The following MGAT2 variants were observed in gnomAD, a reference collection of about 807,000 sequenced individuals.
MGAT2 encodes the protein alpha-1,6-mannosyl-glycoprotein 2-beta-N-acetylglucosaminyltransferase, also known as Beta-1,2-N-acetylglucosaminyltransferase II.
MGAT2 carries 17 observed loss-of-function variants against 33.8 expected under a neutral mutation model. The ratio of observed to expected loss-of-function variants is 0.50; its 90% confidence interval spans 0.34 to 0.76. The LOEUF (loss-of-function observed/expected upper bound fraction) is 0.76, where lower values mean the gene tolerates loss of function less well. Ranked by LOEUF, MGAT2 falls within the 30% of genes least tolerant of loss-of-function variation. The probability of loss-of-function intolerance (pLI) is 0.01; values close to 1 mark genes in which losing one functional copy is unlikely to be tolerated. For synonymous variants in MGAT2, 248 were observed against 226.7 expected (o/e 1.09, Z -0.84); for missense variants, 529 against 553.9 (o/e 0.96, Z 0.45).
At position 49,620,995 on chromosome 14, in the gene MGAT2, G is replaced by A. The variant is rs1437733087; in HGVS notation, c.-274G>A. On this transcript the variant is annotated 5_prime_UTR_variant, in exon 1 of 1. Coordinates refer to ENST00000305386, the MANE Select transcript of MGAT2 (RefSeq NM_002408.4). ...ACCCGTGGTGCTGAATGGAGAGGAC[G>A]GAGACGAAGCCGAGCCGCGGCTCCT... The A allele has an allele frequency of 1.4e-6, 1 of 702,990 alleles. No homozygotes were observed. The highest frequency in any genetic ancestry group is 1.7e-5 in the African/African-American group (1 of 57,284). The allele number at this position is 702,990 out of a possible 1,614,324, so 43.5% of individuals were successfully genotyped here. A position where few individuals can be genotyped will look rare whatever the true frequency, so the allele number is the denominator to read the frequency against.
Position 49,622,841 on chromosome 14 carries a change from A to C in MGAT2, c.*229A>C. On this transcript the variant is annotated 3_prime_UTR_variant, in exon 1 of 1. Coordinates refer to ENST00000305386, the MANE Select transcript of MGAT2 (RefSeq NM_002408.4). ...TTAAAGCTCAATCTGTTATCTGCTA[A>C]AATTGATTATTGTTGATATGAGAGA... 2.7e-6 allele frequency: 1 copy of C among 374,300 alleles called. No individual in the cohort carries two copies. Among genetic ancestry groups the C allele is most frequent in the East Asian group, 4.4e-5 (1 of 22,916 alleles). The allele number at this position is 374,300 out of a possible 1,614,324, so 23.2% of individuals were successfully genotyped here.
rs1338279859 is a variant in MGAT2, at chr14:49,622,227, G to A, written c.959G>A (p.Gly320Asp). Residue 320 changes from glycine to aspartate, a missense_variant, in exon 1 of 1, where the codon GGT becomes GAT. Gly to Asp is a moderately conservative substitution (Grantham distance 94). This residue lies in a region of MGAT2 where 501 missense variants were observed against 501.1 expected (regional missense o/e 1.00). Coordinates refer to ENST00000305386, the MANE Select transcript of MGAT2 (RefSeq NM_002408.4). ...TGGAAATCCACAGAGCACAATATGG[G>A]TCTAGCCTTGACCCGGAATGCCTAT... ...KTWKSTEHNM[G>D]LALTRNAYQK... The A allele has an allele frequency of 1.2e-6, 2 of 1,614,064 alleles. No individual in the cohort carries two copies. Among genetic ancestry groups the A allele is most frequent in the African/African-American group, 1.3e-5 (1 of 74,920 alleles).
rs892362897 is a variant in MGAT2 at position 49,620,828 on chromosome 14, C to T, written c.-441C>T. ...TTGCGGGTTGTCATAACGGTCCCCG[C>T]CGGAGTGAGGCGAGGCCGCGTCGCT... On this transcript the variant is annotated 5_prime_UTR_variant, in exon 1 of 1. Coordinates refer to ENST00000305386, the MANE Select transcript of MGAT2 (RefSeq NM_002408.4). 7.4e-5 allele frequency: 46 copies of T among 621,998 alleles called. No homozygotes were observed. The highest frequency in any genetic ancestry group is 1.2e-4 in the Non-Finnish European group (43 of 348,100). 38.5% of individuals were successfully genotyped at this position (621,998 alleles called of 1,614,324 possible).
chr14:49,621,236 G>A lies in MGAT2; in HGVS notation c.-33G>A, dbSNP rs749618885. On this transcript the variant is annotated 5_prime_UTR_variant, in exon 1 of 1. Transcript: ENST00000305386. The surrounding 1 kb of genome is among the most constrained non-coding windows in gnomAD (Gnocchi z 4.6). ...TGCAGAAGCAGCTGCTCCTTTCCGC[G>A]CCCGCCCGCCTGCGCTCCCGGCCCT... is the stretch of plus-strand genomic sequence containing the variant. 5.0e-6 allele frequency: 8 copies of A among 1,609,946 alleles called. No individual in the cohort carries two copies. The South Asian group carries it at 5.5e-5, about 11-fold the overall frequency.
chr14:49,621,781 G>T lies in MGAT2; in HGVS notation c.513G>T (p.Pro171=). The change falls in exon 1 of 1, where the codon CCG becomes CCT. Residue 171 remains proline (P), a synonymous_variant. Coordinates refer to ENST00000305386, the MANE Select transcript of MGAT2 (RefSeq NM_002408.4). This position sits in a 1 kb window ranked among gnomAD's most constrained non-coding sequence, Gnocchi z 4.6. ...TGATCGCCGGGGTGAATTTCTGTCC[G>T]GTTCTGCAGGTGTTCTTTCCTTTCA... ...NQLIAGVNFC[P]VLQVFFPFSI... The T allele has an allele frequency of 7.4e-6, 12 of 1,614,094 alleles. No homozygotes were observed. The highest frequency in any genetic ancestry group is 1.0e-5 in the Non-Finnish European group (12 of 1,180,028).
rs1052711475 is a variant in MGAT2, at chr14:49,621,032, C to T, written c.-237C>T. 19 of 714,798 alleles carry T rather than the reference C, an allele frequency of 2.7e-5. No homozygotes were observed. The highest frequency in any genetic ancestry group is 1.6e-4 in the South Asian group (11 of 67,804). The allele number at this position is 714,798 out of a possible 1,614,324, so 44.3% of individuals were successfully genotyped here. Reference sequence around the variant, plus strand: ...GAGCCGCGGCTCCTAGCGGCGGCGCCGATGCTCGAGCTGTAGCTGCCAGGC... The same window carrying T: ...GAGCCGCGGCTCCTAGCGGCGGCGCTGATGCTCGAGCTGTAGCTGCCAGGC... On this transcript the variant is annotated 5_prime_UTR_variant, in exon 1 of 1. Coordinates refer to ENST00000305386, the MANE Select transcript of MGAT2 (RefSeq NM_002408.4). This position sits in a 1 kb window ranked among gnomAD's most constrained non-coding sequence, Gnocchi z 4.6.
At position 49,621,390 on chromosome 14, in the gene MGAT2, T is replaced by C. The variant is rs1882843623; in HGVS notation, c.122T>C (p.Leu41Ser). The change falls in exon 1 of 1, where the codon TTG becomes TCG. Residue 41 changes from leucine (L) to serine (S), a missense_variant. Leu to Ser is a moderately radical substitution (Grantham distance 145). Around this residue, in one of 2 missense-constraint regions of MGAT2, gnomAD observed 501 missense variants for 501.1 expected, o/e 1.00. Coordinates refer to ENST00000305386, the MANE Select transcript of MGAT2 (RefSeq NM_002408.4). The surrounding 1 kb of genome is among the most constrained non-coding windows in gnomAD (Gnocchi z 4.6). ...QRKNEALAPP[L>S]LDAEPARGAG... is the part of the protein sequence containing the mutation. ...AAGAACGAGGCCCTCGCCCCACCGT[T>C]GCTGGACGCCGAACCCGCGCGGGGT... 6.2e-7 allele frequency: 1 copy of C among 1,610,190 alleles called. No individual in the cohort carries two copies. Among genetic ancestry groups the C allele is most frequent in the Admixed American group, 1.7e-5 (1 of 59,858 alleles).
In MGAT2 at chr14:49,622,134, T is replaced by A. The variant is rs1173622190; in HGVS notation, c.866T>A (p.Leu289His). 6.2e-7 allele frequency: 1 copy of A among 1,614,170 alleles called. No individual in the cohort carries two copies. The highest frequency in any genetic ancestry group is 8.5e-7 in the Non-Finnish European group (1 of 1,180,044). ...CAAGAGTGCCCTGAATGTGATGTTCTCTCCCTGGGGACCTATAGTGCCAGT... is the reference window on the plus strand; with the variant it reads ...CAAGAGTGCCCTGAATGTGATGTTCACTCCCTGGGGACCTATAGTGCCAGT... ...KQQECPECDVLSLGTYSASRS... is the reference protein window; with the variant it reads ...KQQECPECDVHSLGTYSASRS... Residue 289 changes from leucine to histidine, a missense_variant, in exon 1 of 1, where the codon CTC becomes CAC. Physicochemically the swap from Leu to His is moderately conservative, Grantham distance 99 (BLOSUM62 -3). Transcript: ENST00000305386.
At position 49,622,626 on chromosome 14, in the gene MGAT2, A is replaced by T. The variant is rs751023111; in HGVS notation, c.*14A>T. 2 of 1,595,188 alleles carry T rather than the reference A, an allele frequency of 1.3e-6. No homozygotes were observed. Among genetic ancestry groups the T allele is most frequent in the Non-Finnish European group, 1.7e-6 (2 of 1,174,498 alleles). Reference sequence around the variant, plus strand: ...AGACTGCAGTGAAAATCACAGTTACAAAAGCGACAGTCTTCTATTTTTGAT... The same window carrying T: ...AGACTGCAGTGAAAATCACAGTTACTAAAGCGACAGTCTTCTATTTTTGAT... On this transcript the variant is annotated 3_prime_UTR_variant, in exon 1 of 1. Transcript: ENST00000305386.
In MGAT2 at chr14:49,622,714, C is replaced by T; in HGVS notation, c.*102C>T. On this transcript the variant is annotated 3_prime_UTR_variant, in exon 1 of 1. Transcript: ENST00000305386. Reference sequence around the variant, plus strand: ...TTAGGAACTGGTTTCTGCTTTAATACAAAAACAAAATCTTGTAAAAGGTGT... The same window carrying T: ...TTAGGAACTGGTTTCTGCTTTAATATAAAAACAAAATCTTGTAAAAGGTGT... 1 of 1,226,806 alleles carries T rather than the reference C, an allele frequency of 8.2e-7. No homozygotes were observed. The highest frequency in any genetic ancestry group is 1.1e-6 in the Non-Finnish European group (1 of 901,280). The allele number at this position is 1,226,806 out of a possible 1,614,324, so 76.0% of individuals were successfully genotyped here.
rs1443820225 is a variant in MGAT2 at position 49,621,487 on chromosome 14, T to C, written c.219T>C (p.Ala73=). 6.2e-7 allele frequency: 1 copy of C among 1,609,162 alleles called. No homozygotes were observed. Among genetic ancestry groups the C allele is most frequent in the South Asian group, 1.1e-5 (1 of 91,014 alleles). The change falls in exon 1 of 1, where the codon GCT becomes GCC. Residue 73 remains alanine, a synonymous_variant. Coordinates refer to ENST00000305386, the MANE Select transcript of MGAT2 (RefSeq NM_002408.4). The surrounding 1 kb of genome is among the most constrained non-coding windows in gnomAD (Gnocchi z 4.6). ...GIRRVSNVSA[A]SLVPAVPQPE... is the part of the protein sequence containing the mutation. ...GCAGGGTCTCCAACGTGTCGGCGGCTTCCCTGGTCCCGGCGGTCCCCCAGC... is the reference window on the plus strand; with the variant it reads ...GCAGGGTCTCCAACGTGTCGGCGGCCTCCCTGGTCCCGGCGGTCCCCCAGC...
Position 49,622,151 on chromosome 14 carries a change from A to G in MGAT2, c.883A>G (p.Ser295Gly). The G allele has an allele frequency of 6.2e-7, 1 of 1,614,224 alleles. No homozygotes were observed. The highest frequency in any genetic ancestry group is 8.5e-7 in the Non-Finnish European group (1 of 1,180,034). Residue 295 changes from serine to glycine, a missense_variant, in exon 1 of 1, where the codon AGT becomes GGT. Physicochemically the swap from Ser to Gly is moderately conservative, Grantham distance 56. This residue lies in a region of MGAT2 where 501 missense variants were observed against 501.1 expected (regional missense o/e 1.00). Coordinates refer to ENST00000305386, the MANE Select transcript of MGAT2 (RefSeq NM_002408.4). ...ECDVLSLGTY[S>G]ASRSFYGMAD... ...TGATGTTCTCTCCCTGGGGACCTAT[A>G]GTGCCAGTCGCAGTTTCTATGGCAT... is the stretch of plus-strand genomic sequence containing the variant.
Position 49,621,761 on chromosome 14 carries a change from G to C in MGAT2, c.493G>C (p.Ala165Pro). The stretch of plus-strand genomic sequence containing the variant: ...GTCGACCGAGATCAATCAGCTGATC[G>C]CCGGGGTGAATTTCTGTCCGGTTCT... ...FWSTEINQLI[A>P]GVNFCPVLQV... Residue 165 changes from alanine to proline, a missense_variant, in exon 1 of 1, where the codon GCC becomes CCC. Ala to Pro is a conservative substitution (Grantham distance 27). Transcript: ENST00000305386. The surrounding 1 kb of genome is among the most constrained non-coding windows in gnomAD (Gnocchi z 4.6). The C allele has an allele frequency of 6.2e-7, 1 of 1,614,090 alleles. No homozygotes were observed. The highest frequency in any genetic ancestry group is 8.5e-7 in the Non-Finnish European group (1 of 1,180,026).
Position 49,621,100 on chromosome 14 carries a change from C to A in MGAT2, c.-169C>A. ...AGGCGGCGCGGGGTAAATGAGAGGT[C>A]TCGGGCCCCAGGACCCCCGGGGCCC... On this transcript the variant is annotated 5_prime_UTR_variant, in exon 1 of 1. Transcript: ENST00000305386. This position sits in a 1 kb window ranked among gnomAD's most constrained non-coding sequence, Gnocchi z 4.6. 1.4e-5 allele frequency: 14 copies of A among 978,190 alleles called. No homozygotes were observed. In the South Asian group the frequency reaches 1.6e-4, roughly 12 times the overall value. The allele number at this position is 978,190 out of a possible 1,614,324, so 60.6% of individuals were successfully genotyped here.
chr14:49,621,437 C>G lies in MGAT2; in HGVS notation c.169C>G (p.His57Asp). 6.2e-7 allele frequency: 1 copy of G among 1,608,054 alleles called. No homozygotes were observed. Among genetic ancestry groups the G allele is most frequent in the South Asian group, 1.1e-5 (1 of 90,896 alleles). Reference protein sequence around the residue: ...ARGAGGRGGDHPSVAVGIRRV... With the variant: ...ARGAGGRGGDDPSVAVGIRRV... ...GGGTGCCGGCGGCCGCGGTGGGGACCACCCCTCTGTGGCTGTGGGCATCCG... is the reference window on the plus strand; with the variant it reads ...GGGTGCCGGCGGCCGCGGTGGGGACGACCCCTCTGTGGCTGTGGGCATCCG... The change falls in exon 1 of 1, where the codon CAC (histidine) becomes GAC (aspartate). Residue 57 changes from histidine to aspartate, a missense_variant. By Grantham distance (81) the His-to-Asp change is moderately conservative. Transcript: ENST00000305386. This position sits in a 1 kb window ranked among gnomAD's most constrained non-coding sequence, Gnocchi z 4.6.
In MGAT2 at chr14:49,621,078, C is replaced by T; in HGVS notation, c.-191C>T. 1.2e-6 allele frequency: 1 copy of T among 808,488 alleles called. No individual in the cohort carries two copies. Among genetic ancestry groups the T allele is most frequent in the Non-Finnish European group, 2.1e-6 (1 of 483,878 alleles). 50.1% of individuals were successfully genotyped at this position (808,488 alleles called of 1,614,324 possible). On this transcript the variant is annotated 5_prime_UTR_variant, in exon 1 of 1. Coordinates refer to ENST00000305386, the MANE Select transcript of MGAT2 (RefSeq NM_002408.4). The surrounding 1 kb of genome is among the most constrained non-coding windows in gnomAD (Gnocchi z 4.6). ...CAGGCGAGGATGTGTGGAGCGCAGG[C>T]GGCGCGGGGTAAATGAGAGGTCTCG...
chr14:49,622,597 T>A lies in MGAT2; in HGVS notation c.1329T>A (p.Tyr443Ter). 1 of 1,594,796 alleles carries A rather than the reference T, an allele frequency of 6.3e-7. No individual in the cohort carries two copies. The change falls in exon 1 of 1, where the codon TAT becomes TAA. Residue 443 changes from tyrosine (Y) to a stop codon, truncating the protein, a stop_gained. Transcript: ENST00000305386. LOFTEE classifies it high-confidence loss of function. The part of the protein sequence containing the change: ...DIRDHELCKS[Y>*]RRLQ ...GGGACCATGAACTCTGTAAAAGTTA[T>A]AGAAGACTGCAGTGAAAATCACAGT...
Position 49,622,720 on chromosome 14 carries a change from C to T in MGAT2, c.*108C>T, listed in dbSNP as rs1882891223. The T allele has an allele frequency of 8.5e-7, 1 of 1,173,854 alleles. No individual in the cohort carries two copies. Among genetic ancestry groups the T allele is most frequent in the East Asian group, 2.6e-5 (1 of 38,878 alleles). 72.7% of individuals were successfully genotyped at this position (1,173,854 alleles called of 1,614,324 possible). A position where few individuals can be genotyped will look rare whatever the true frequency, so the allele number is the denominator to read the frequency against. On this transcript the variant is annotated 3_prime_UTR_variant, in exon 1 of 1. Coordinates refer to ENST00000305386, the MANE Select transcript of MGAT2 (RefSeq NM_002408.4). ...ACTGGTTTCTGCTTTAATACAAAAACAAAATCTTGTAAAAGGTGTCCAAAT... is the reference window on the plus strand; with the variant it reads ...ACTGGTTTCTGCTTTAATACAAAAATAAAATCTTGTAAAAGGTGTCCAAAT...
In MGAT2 at chr14:49,622,575, A is replaced by T. The variant is rs1882887140; in HGVS notation, c.1307A>T (p.Asp436Val). ...RKNGGWGDIR[D>V]HELCKSYRRL... ...AATGGAGGGTGGGGAGATATTAGGGACCATGAACTCTGTAAAAGTTATAGA... is the reference window on the plus strand; with the variant it reads ...AATGGAGGGTGGGGAGATATTAGGGTCCATGAACTCTGTAAAAGTTATAGA... The change falls in exon 1 of 1, where the codon GAC becomes GTC. Residue 436 changes from aspartate to valine, a missense_variant. Physicochemically the swap from Asp to Val is radical, Grantham distance 152. Coordinates refer to ENST00000305386, the MANE Select transcript of MGAT2 (RefSeq NM_002408.4). 1 of 1,594,170 alleles carries T rather than the reference A, an allele frequency of 6.3e-7. No individual in the cohort carries two copies. Among genetic ancestry groups the T allele is most frequent in the Non-Finnish European group, 8.5e-7 (1 of 1,174,304 alleles).
Sources: allele counts gnomAD v4.1 joint callset, GRCh38; gene constraint gnomAD v4.1.1; regional missense constraint gnomAD v4.1.1; non-coding constraint Gnocchi (gnomAD v3.1); transcripts MANE v1.5; gene names NCBI Gene and HGNC (gene_info 2026-07-23, HGNC 2026-07-21).